MVB12B: variants seen among roughly 807,000 people sequenced by gnomAD.
The protein encoded by MVB12B is ESCRT-I complex subunit MVB12B.
In MVB12B, 16 loss-of-function variants were observed where a neutral mutation model predicts 41.6. That is an observed-to-expected ratio of 0.38 (90% confidence interval 0.26 to 0.58). The LOEUF is 0.58. Ranked by LOEUF, MVB12B falls within the 20% of genes least tolerant of loss-of-function variation. The pLI, the probability that MVB12B is intolerant of heterozygous loss-of-function variation, is 0.62. For missense variants in MVB12B, 274 were observed against 380.2 expected (o/e 0.72, Z 2.32); for synonymous variants, 133 against 139.7 (o/e 0.95, Z 0.34).
intron 2 of MVB12B, among the ~76,000 whole-genome samples, chr9:126,373,477 C>T (rs1247273361): frequency 6.6e-6 from 1 of 152,244 alleles, no homozygotes; most frequent in Non-Finnish European, 1.5e-5. Context: ...TCGTGTCAGC[C>T]AGATATTTCC....
chr9:126,397,496 G>A (rs1831150132), intron 6 of MVB12B: 4 of 985,268 alleles, frequency 4.1e-6, no homozygotes, highest in African/African-American at 3.5e-5. Context: ...GATCAGTTTT[G>A]TTTTACTTGC....
intron 2 of MVB12B, among the ~76,000 whole-genome samples, chr9:126,375,382 T>TTTG (rs59457387): frequency 4.4e-5 from 6 of 136,896 alleles, no homozygotes; most frequent in Non-Finnish European, 6.6e-5. Context: ...TTTTTTTTTT[T>TTTG]GTCAAATAGC....
intron 7 of MVB12B, among the ~76,000 whole-genome samples, chr9:126,452,516 C>T (rs1404007249): frequency 6.6e-6 from 1 of 152,246 alleles, no homozygotes; most frequent in African/African-American, 2.4e-5. Flanking sequence ...GCAACACATT[C>T]AGCAGGGCCT....
At chr9:126,419,543 G>A (rs192023115) in intron 6 of MVB12B, among the ~76,000 whole-genome samples, 25 of 152,298 alleles carry the variant, frequency 1.6e-4, no homozygotes, top group African/African-American at 6.0e-4. Flanking sequence ...CATTCCCAGG[G>A]CTGGCACCTG....
chr9:126,365,919 T>C (rs1159574706), intron 2 of MVB12B, among the ~76,000 whole-genome samples: 1 of 152,162 alleles, frequency 6.6e-6, no homozygotes, highest in Non-Finnish European at 1.5e-5. Context: ...ACTGAAGGAT[T>C]AAAATGAAAA....
chr9:126,404,735 G>C (rs942052166), intron 6 of MVB12B, among the ~76,000 whole-genome samples: 44 of 152,372 alleles, frequency 2.9e-4, no homozygotes, highest in African/African-American at 1.0e-3. Flanking sequence ...GCCAGCCCAG[G>C]AGGTCCCAGC....
chr9:126,386,755 C>G lies in MVB12B; in HGVS notation c.409+97C>G. 1 of 851,516 alleles carries G rather than the reference C, an allele frequency of 1.2e-6. No individual in the cohort carries two copies. Among genetic ancestry groups the G allele is most frequent in the Non-Finnish European group, 1.9e-6 (1 of 523,416 alleles). 52.7% of individuals were successfully genotyped at this position (851,516 alleles called of 1,614,324 possible). A position where few individuals can be genotyped will look rare whatever the true frequency, so the allele number is the denominator to read the frequency against. ...CTATGTGCATTTTTCTTCAGAAACA[C>G]TTTTGGAGGCCTTACTACATGCCCA... On this transcript the variant is annotated intron_variant, in intron 4 of 9. Transcript: ENST00000361171. This position sits in a 1 kb window ranked among gnomAD's most constrained non-coding sequence, Gnocchi z 4.3.
intron 7 of MVB12B, among the ~76,000 whole-genome samples, chr9:126,428,119 T>A (rs1452055239): frequency 3.3e-5 from 5 of 152,194 alleles, no homozygotes; most frequent in Non-Finnish European, 5.9e-5. Flanking sequence ...GTTTGGATCA[T>A]GGCCCCTTGT....
At chr9:126,354,831 T>A (rs1829839099) in intron 2 of MVB12B, among the ~76,000 whole-genome samples, 2 of 152,202 alleles carry the variant, frequency 1.3e-5, no homozygotes, top group African/African-American at 2.4e-5. Context: ...TATGAAATTA[T>A]TTTTACATAA....
chr9:126,348,825 G>A (rs1236116492), intron 2 of MVB12B, among the ~76,000 whole-genome samples: 2 of 152,016 alleles, frequency 1.3e-5, no homozygotes, highest in Non-Finnish European at 2.9e-5. Flanking sequence ...CCCCACCAAT[G>A]GTAAAGTCTT....
rs940695780 is a variant in MVB12B at position 126,459,527 on chromosome 9, G to A, written c.758-21842G>A. On this transcript the variant is annotated intron_variant, in intron 7 of 9. Coordinates refer to ENST00000361171, the MANE Select transcript of MVB12B (RefSeq NM_033446.3). This position sits in a 1 kb window ranked among gnomAD's most constrained non-coding sequence, Gnocchi z 4.3. ...CGAGACCCTCACCCCAGCAGCACGC[G>A]GGCACGCAGCCCACAGCAGCATTTC... Among the ~76,000 whole-genome samples, 15 of 152,170 alleles carry A rather than the reference G, an allele frequency of 9.9e-5. No homozygotes were observed. The East Asian group carries it at 1.2e-3, about 12-fold the overall frequency.
intron 7 of MVB12B, among the ~76,000 whole-genome samples, chr9:126,437,084 G>T (rs1000203329): frequency 6.6e-6 from 1 of 152,154 alleles, no homozygotes; most frequent in African/African-American, 2.4e-5. Context: ...CAGCTCTGGA[G>T]CTGAGCTGCC....
At chr9:126,460,886 G>A (rs1216061419) in intron 7 of MVB12B, among the ~76,000 whole-genome samples, 1 of 152,176 alleles carries the variant, frequency 6.6e-6, no homozygotes, top group Non-Finnish European at 1.5e-5. Context: ...TCCCTCATGG[G>A]GTTGCCTTGA....
rs1829409276 is a variant in MVB12B at position 126,340,360 on chromosome 9, T to G, written c.82-148T>G. ...TTGAATTCTTGACCTGGGGAAAGGG[T>G]CACATAGGGTCAGGACTCATTCAAC... On this transcript the variant is annotated intron_variant, in intron 1 of 9. Transcript: ENST00000361171. The surrounding 1 kb of genome is among the most constrained non-coding windows in gnomAD (Gnocchi z 4.0). 5 of 740,082 alleles carry G rather than the reference T, an allele frequency of 6.8e-6. No homozygotes were observed. Among genetic ancestry groups the G allele is most frequent in the African/African-American group, 1.8e-5 (1 of 56,232 alleles). 45.8% of individuals were successfully genotyped at this position (740,082 alleles called of 1,614,324 possible). A position where few individuals can be genotyped will look rare whatever the true frequency, so the allele number is the denominator to read the frequency against.
chr9:126,435,634 C>G (rs1323884390), intron 7 of MVB12B, among the ~76,000 whole-genome samples: 1 of 151,246 alleles, frequency 6.6e-6, no homozygotes, highest in Non-Finnish European at 1.5e-5. Context: ...CAACCACTCC[C>G]CTCCCAGAAC....
intron 9 of MVB12B, among the ~76,000 whole-genome samples, chr9:126,488,943 C>T (rs1260631894): frequency 6.6e-6 from 1 of 152,180 alleles, no homozygotes; most frequent in Non-Finnish European, 1.5e-5. Flanking sequence ...CATGGGCAGC[C>T]ACAGGGAGCT....
intron 6 of MVB12B, among the ~76,000 whole-genome samples, chr9:126,407,260 G>T (rs780746553): frequency 2.4e-4 from 37 of 152,124 alleles, no homozygotes; most frequent in Non-Finnish European, 4.3e-4. Context: ...GGATGTGCCC[G>T]TAGTCACCAA....
At chr9:126,451,272 GATGAA>G (rs1182835652) in intron 7 of MVB12B, among the ~76,000 whole-genome samples, 2 of 152,206 alleles carry the variant, frequency 1.3e-5, no homozygotes, top group Non-Finnish European at 2.9e-5. Flanking sequence ...TTGCAGTGAA[GATGAA>G]ATGAAATAAA....
intron 2 of MVB12B, among the ~76,000 whole-genome samples, chr9:126,371,923 C>T (rs547304579): frequency 1.3e-5 from 2 of 152,138 alleles, no homozygotes; most frequent in Admixed American, 1.3e-4. Flanking sequence ...TAAGAGTGTA[C>T]AATCCATTGG....
Sources: gnomAD v4.1 joint callset for allele counts (sites outside exome capture counted in the v4.1 genomes callset) on GRCh38, gnomAD v4.1.1 for gene constraint, Gnocchi (gnomAD v3.1) non-coding constraint, MANE v1.5 for transcripts, NCBI Gene and HGNC (gene_info 2026-07-23, HGNC 2026-07-21) for gene names.